The following PDE1C variants were observed in gnomAD, a reference collection of about 807,000 sequenced individuals.
PDE1C encodes the protein phosphodiesterase 1C, also known as dual specificity calcium/calmodulin-dependent 3',5'-cyclic nucleotide phosphodiesterase 1C.
A neutral mutation model predicts 93.1 loss-of-function variants in PDE1C; 62 were observed. That is an observed-to-expected ratio of 0.67 (90% CI 0.54 to 0.82). PDE1C has a LOEUF of 0.82. Among genes scored for constraint, PDE1C ranks in the 40% least tolerant of loss-of-function variants. PDE1C has a pLI of 0.00. For missense variants in PDE1C, 742 were observed against 884.6 expected (o/e 0.84, Z 2.04); for synonymous variants, 325 against 310.1 (o/e 1.05, Z -0.50).
intron 16 of PDE1C, chr7:31,787,985 T>A (rs1360559951): frequency 2.6e-5 from 4 of 152,100 alleles, no homozygotes; most frequent in Non-Finnish European, 5.9e-5. Context: ...TTACATGGAG[T>A]TTTGTTTTGC....
intron 14 of PDE1C, among the ~76,000 whole-genome samples, chr7:31,820,098 T>A (rs1380102478): frequency 1.3e-5 from 2 of 152,102 alleles, no homozygotes; most frequent in East Asian, 3.9e-4. Context: ...ACGAATCATA[T>A]ACTGTAAATC....
the PDE1C span, among the ~76,000 whole-genome samples, chr7:31,641,681 C>G: frequency 0.72 from 109,198 of 152,052 alleles, 39,866 homozygotes; most frequent in East Asian, 0.83. Context: ...GTGGCAAGAG[C>G]AGTGATCTAA....
chr7:32,153,557 C>T (rs11971443), intron 3 of PDE1C, among the ~76,000 whole-genome samples: 4,078 of 152,112 alleles, frequency 0.027, 184 homozygotes, highest in African/African-American at 0.092. Flanking sequence ...AGAATGGGAC[C>T]CAAAGAAGTT....
chr7:32,022,808 A>T (rs893046226), intron 2 of PDE1C, among the ~76,000 whole-genome samples: 4 of 152,008 alleles, frequency 2.6e-5, no homozygotes, highest in African/African-American at 7.2e-5. Context: ...TGAAAAAAAA[A>T]ATTAACGACA....
At position 32,154,414 on chromosome 7, in the gene PDE1C, G is replaced by A. The variant is rs940145067; in HGVS notation, c.308+15371C>T. Among the ~76,000 whole-genome samples the A allele has an allele frequency of 2.6e-5, 4 of 152,042 alleles. No individual in the cohort carries two copies. In the South Asian group the frequency reaches 6.2e-4, roughly 24 times the overall value. On this transcript the variant is annotated intron_variant, in intron 3 of 18. Transcript: ENST00000396193. The stretch of plus-strand genomic sequence containing the variant: ...AATGGTACAGAGAGGTCCCAGGTAC[G>A]CATTATCCAGCTCACCCAGTGATAA...
At chr7:31,931,531 A>C (rs4723115) in intron 2 of PDE1C, among the ~76,000 whole-genome samples, 1 of 151,998 alleles carries the variant, frequency 6.6e-6, no homozygotes, top group East Asian at 1.9e-4. Flanking sequence ...CAACTTACAA[A>C]CGAAGTGAAG....
chr7:31,789,703 G>A (rs1784369994), intron 16 of PDE1C: 6 of 985,154 alleles, frequency 6.1e-6, no homozygotes, highest in South Asian at 4.7e-5. Flanking sequence ...GAAAACAAAT[G>A]TTCCTGACTC....
At chr7:32,196,431 C>T (rs1043062464) in intron 2 of PDE1C, among the ~76,000 whole-genome samples, 5 of 151,938 alleles carry the variant, frequency 3.3e-5, no homozygotes, top group African/African-American at 1.2e-4. Context: ...TTTTTCAGCT[C>T]GAAGTCTATG....
intron 14 of PDE1C, among the ~76,000 whole-genome samples, chr7:31,819,342 T>A (rs1369100889): frequency 6.6e-6 from 1 of 152,150 alleles, no homozygotes; most frequent in Non-Finnish European, 1.5e-5. Context: ...GCAATCAGAT[T>A]CCTTTATATT....
chr7:31,777,144 A>T (rs951483474), intron 16 of PDE1C, among the ~76,000 whole-genome samples: 1 of 151,892 alleles, frequency 6.6e-6, no homozygotes, highest in Non-Finnish European at 1.5e-5. Context: ...AGTATAATAA[A>T]AAAAAAAGAA....
chr7:31,926,163 A>G (rs1803352035), intron 2 of PDE1C, among the ~76,000 whole-genome samples: 1 of 152,112 alleles, frequency 6.6e-6, no homozygotes, highest in Admixed American at 6.6e-5. Context: ...AATTATACAC[A>G]CACGCATATT....
chr7:31,678,487 A>G, the PDE1C span, among the ~76,000 whole-genome samples: 1 of 152,332 alleles, frequency 6.6e-6, no homozygotes, highest in Non-Finnish European at 1.5e-5. Flanking sequence ...GAGGGAAGGG[A>G]GTAAACTTTT....
chr7:31,911,615 G>A (rs1219562689), intron 2 of PDE1C, among the ~76,000 whole-genome samples: 1 of 152,100 alleles, frequency 6.6e-6, no homozygotes. Context: ...GTGCAGCCTG[G>A]GAGGCTTCCC....
chr7:32,234,751 A>C (rs1337577870), intron 1 of PDE1C, among the ~76,000 whole-genome samples: 1 of 151,968 alleles, frequency 6.6e-6, no homozygotes, highest in Non-Finnish European at 1.5e-5. Context: ...GAGAAGGGAG[A>C]CTCTCCAACT....
chr7:31,924,231 A>G (rs548230325), intron 2 of PDE1C, among the ~76,000 whole-genome samples: 5 of 152,314 alleles, frequency 3.3e-5, no homozygotes, highest in Admixed American at 2.6e-4. Flanking sequence ...ATTTTACTGT[A>G]TATATGATCT....
intron 4 of PDE1C, 49 bp from the exon 5 acceptor site, chr7:31,878,085 A>T: frequency 7.5e-7 from 1 of 1,332,890 alleles, no homozygotes; most frequent in Non-Finnish European, 1.1e-6. Context: ...ATAAAGTAGG[A>T]TTTGTAATCC....
chr7:31,911,473 T>A (rs73308611), intron 2 of PDE1C, among the ~76,000 whole-genome samples: 43 of 152,240 alleles, frequency 2.8e-4, no homozygotes, highest in African/African-American at 9.6e-4. Context: ...TACAGCATTC[T>A]GTATTAGCCA....
chr7:31,943,924 C>T (rs1419264365), intron 2 of PDE1C, among the ~76,000 whole-genome samples: 8 of 152,112 alleles, frequency 5.3e-5, no homozygotes. Context: ...AGAATCTCAT[C>T]AGGCAAAACC....
intron 1 of PDE1C, among the ~76,000 whole-genome samples, chr7:32,280,404 T>C (rs1044065378): frequency 2.0e-5 from 3 of 152,174 alleles, no homozygotes; most frequent in Non-Finnish European, 4.4e-5. Context: ...CAAATTGTCT[T>C]CATCAGGTCA....
Sources: gnomAD v4.1 joint callset for allele counts (sites outside exome capture counted in the v4.1 genomes callset) on GRCh38, gnomAD v4.1.1 for gene constraint, MANE v1.5 for transcripts, NCBI Gene and HGNC (gene_info 2026-07-23, HGNC 2026-07-21) for gene names.